Variants in COX10 observed in about 807,000 individuals in gnomAD.
COX10 encodes cytochrome c oxidase assembly factor heme A:farnesyltransferase COX10.
Under a neutral mutation model 37.3 loss-of-function variants are expected in COX10, and 27 were observed. The observed-to-expected ratio is 0.72, with a 90% confidence interval of 0.53 to 1.00. The LOEUF is 1.00. Among genes scored for constraint, COX10 ranks in the 50% least tolerant of loss-of-function variants. The pLI, the probability that COX10 is intolerant of heterozygous loss-of-function variation, is 0.00. For synonymous variants in COX10, 222 were observed against 229.1 expected (o/e 0.97, Z 0.28); for missense variants, 475 against 563.2 (o/e 0.84, Z 1.59).
intron 4 of COX10, among the ~76,000 whole-genome samples, chr17:14,141,674 A>G (rs1205360278): frequency 6.6e-6 from 1 of 152,128 alleles, no homozygotes. Context: ...TTAGCATTAC[A>G]GACTTTTTTT....
At chr17:14,175,442 C>A (rs1232348497) in intron 5 of COX10, among the ~76,000 whole-genome samples, 1 of 151,702 alleles carries the variant, frequency 6.6e-6, no homozygotes, top group Non-Finnish European at 1.5e-5. Context: ...TGTTTCCTCG[C>A]CTATAAAATG....
chr17:14,109,604 G>A (rs1915970188), intron 4 of COX10, among the ~76,000 whole-genome samples: 1 of 152,144 alleles, frequency 6.6e-6, no homozygotes, highest in Admixed American at 6.5e-5. Flanking sequence ...GATCACACGT[G>A]TTTGAAAGTG....
intron 4 of COX10, among the ~76,000 whole-genome samples, chr17:14,150,976 G>A (rs1904877054): frequency 6.6e-6 from 1 of 152,076 alleles, no homozygotes. Context: ...GTCAGCACAA[G>A]TTGCCATTGT....
intron 3 of COX10, among the ~76,000 whole-genome samples, chr17:14,083,584 A>G (rs1312104034): frequency 6.6e-6 from 1 of 152,168 alleles, no homozygotes. Context: ...TCATACTTAT[A>G]TTTCATCTGT....
At chr17:14,120,318 C>T (rs1916202673) in intron 4 of COX10, among the ~76,000 whole-genome samples, 1 of 152,088 alleles carries the variant, frequency 6.6e-6, no homozygotes, top group Non-Finnish European at 1.5e-5. Context: ...TAAGAATCAT[C>T]TGCATAGAGA....
At chr17:14,193,188 G>A (rs561161120) in intron 6 of COX10, among the ~76,000 whole-genome samples, 6 of 152,336 alleles carry the variant, frequency 3.9e-5, no homozygotes, top group South Asian at 2.1e-4. Flanking sequence ...TCAGCAAAGC[G>A]GTGGTGAGCA....
At chr17:14,174,456 C>CAAA (rs61593222) in intron 5 of COX10, among the ~76,000 whole-genome samples, 54 of 66,140 alleles carry the variant, frequency 8.2e-4, no homozygotes, top group East Asian at 4.4e-3. Context: ...AAGACCCTGT[C>CAAA]AAAAAAAAAA....
At chr17:14,106,112 G>A (rs1915888824) in intron 4 of COX10, among the ~76,000 whole-genome samples, 1 of 151,940 alleles carries the variant, frequency 6.6e-6, no homozygotes, top group Non-Finnish European at 1.5e-5. Flanking sequence ...CACCTCCTGG[G>A]TTCAAGCAAT....
intron 2 of COX10, among the ~76,000 whole-genome samples, chr17:14,075,291 C>A (rs955846768): frequency 6.6e-6 from 1 of 152,082 alleles, no homozygotes; most frequent in Admixed American, 6.5e-5. Flanking sequence ...ATGTGTAATG[C>A]CCTTTTTTAT....
intron 4 of COX10, among the ~76,000 whole-genome samples, chr17:14,119,120 C>T (rs1916175004): frequency 6.6e-6 from 1 of 152,068 alleles, no homozygotes; most frequent in African/African-American, 2.4e-5. Context: ...GAGGTACATT[C>T]AGTCGCAGTA....
intron 4 of COX10, among the ~76,000 whole-genome samples, chr17:14,133,644 A>G (rs957932229): frequency 6.6e-6 from 1 of 151,642 alleles, no homozygotes; most frequent in Admixed American, 6.6e-5. Flanking sequence ...CCAACACCAC[A>G]TGTTATTAAA....
In COX10 at chr17:14,076,818, A is replaced by G. The variant is rs1413047351; in HGVS notation, c.261A>G (p.Thr87=). ...TAGCATCTCCTTTCCTTGAAAAAAC[A>G]TCTTCAGGTCAAGCCAAAGCAGAAA... ...EPVASPFLEK[T]SSGQAKAEIY... is the part of the protein sequence containing the mutation. Residue 87 remains threonine, a synonymous_variant, in exon 3 of 7, where the codon ACA becomes ACG. Coordinates refer to ENST00000261643, the MANE Select transcript of COX10 (RefSeq NM_001303.4). 2 of 1,614,090 alleles carry G rather than the reference A, an allele frequency of 1.2e-6. No individual in the cohort carries two copies. Among genetic ancestry groups the G allele is most frequent in the Non-Finnish European group, 1.7e-6 (2 of 1,180,040 alleles).
chr17:14,127,533 A>T (rs1030695148), intron 4 of COX10, among the ~76,000 whole-genome samples: 4 of 152,202 alleles, frequency 2.6e-5, no homozygotes, highest in African/African-American at 9.6e-5. Flanking sequence ...GGAATTTTTT[A>T]AATCACATAC....
chr17:14,185,585 A>T (rs1906000630), intron 5 of COX10, among the ~76,000 whole-genome samples: 1 of 152,250 alleles, frequency 6.6e-6, no homozygotes, highest in African/African-American at 2.4e-5. Context: ...TGGTAAATCA[A>T]ACTTAATAAC....
chr17:14,081,424 CATAAA>C (rs1915293660), intron 3 of COX10, among the ~76,000 whole-genome samples: 1 of 152,186 alleles, frequency 6.6e-6, no homozygotes, highest in South Asian at 2.1e-4. Flanking sequence ...GCTAAGGAGA[CATAAA>C]ATAAGAGCTG....
chr17:14,121,153 C>T (rs940465841), intron 4 of COX10, among the ~76,000 whole-genome samples: 1 of 152,172 alleles, frequency 6.6e-6, no homozygotes, highest in Non-Finnish European at 1.5e-5. Context: ...ACTTCCAGTT[C>T]TCTTTTTATA....
At chr17:14,117,475 T>C (rs890319030) in intron 4 of COX10, among the ~76,000 whole-genome samples, 4 of 152,242 alleles carry the variant, frequency 2.6e-5, no homozygotes, top group African/African-American at 9.6e-5. Context: ...ATTTTGGATT[T>C]GTTTCTGACT....
intron 5 of COX10, among the ~76,000 whole-genome samples, chr17:14,165,497 G>A (rs142459824): frequency 2.0e-5 from 3 of 152,314 alleles, no homozygotes; most frequent in African/African-American, 7.2e-5. Flanking sequence ...AAGTGGTTGT[G>A]TGTGTTTTGA....
At chr17:14,143,933 C>T (rs550390908) in intron 4 of COX10, among the ~76,000 whole-genome samples, 3 of 152,248 alleles carry the variant, frequency 2.0e-5, no homozygotes, top group East Asian at 3.9e-4. Flanking sequence ...TGCCCACAAG[C>T]GTACAGTGCA....
Sources: allele counts gnomAD v4.1 joint callset (sites outside exome capture counted in the v4.1 genomes callset), GRCh38; gene constraint gnomAD v4.1.1; transcripts MANE v1.5; gene names NCBI Gene and HGNC (gene_info 2026-07-23, HGNC 2026-07-21).